Variants in WDHD1 observed in about 807,000 individuals in gnomAD.
The protein encoded by WDHD1 is WD repeat and HMG-box DNA-binding protein 1.
In WDHD1, 111 loss-of-function variants were observed where a neutral mutation model predicts 135.4. The ratio of observed to expected loss-of-function variants is 0.82; its 90% CI spans 0.70 to 0.96. The LOEUF (loss-of-function observed/expected upper bound fraction) is 0.96, where lower values mean the gene tolerates loss of function less well. WDHD1 is among the 40% of genes least tolerant of loss of function. The pLI is 0.00. For synonymous variants in WDHD1, 434 were observed against 439.0 expected (o/e 0.99, Z 0.14); for missense variants, 1,351 against 1,336.3 (o/e 1.01, Z -0.17).
chr14:54,943,047 T>C (rs900119898), intron 25 of WDHD1, among the ~76,000 whole-genome samples: 7 of 152,350 alleles, frequency 4.6e-5, no homozygotes, highest in African/African-American at 1.7e-4. Context: ...ACCTTTTTCA[T>C]AAAACCCAAT....
At chr14:54,986,453 CCACCA>C (rs369094073) in intron 14 of WDHD1, among the ~76,000 whole-genome samples, 4 of 152,088 alleles carry the variant, frequency 2.6e-5, no homozygotes, top group African/African-American at 7.2e-5. Flanking sequence ...CAGGTGTGAG[CCACCA>C]CACCACACCA....
intron 16 of WDHD1, among the ~76,000 whole-genome samples, chr14:54,980,802 TAA>T (rs375441329): frequency 2.9e-4 from 24 of 83,620 alleles, no homozygotes; most frequent in Non-Finnish European, 4.6e-4. Context: ...AGACTCCACA[TAA>T]AAAAAAAAAA....
chr14:54,999,164 G>C (rs2041939565), intron 10 of WDHD1, among the ~76,000 whole-genome samples: 1 of 152,176 alleles, frequency 6.6e-6, no homozygotes, highest in East Asian at 1.9e-4. Flanking sequence ...GAACCTACTA[G>C]AAGTGAGATG....
chr14:55,027,088 G>A lies in WDHD1; in HGVS notation c.-77C>T, dbSNP rs1289216359. 1 of 383,364 alleles carries A rather than the reference G, an allele frequency of 2.6e-6. No homozygotes were observed. Among genetic ancestry groups the A allele is most frequent in the Non-Finnish European group, 4.9e-6 (1 of 202,320 alleles). The allele number at this position is 383,364 out of a possible 1,614,324, so 23.7% of individuals were successfully genotyped here. A position where few individuals can be genotyped will look rare whatever the true frequency, so the allele number is the denominator to read the frequency against. ...AGAGCTGCTTCCCGCGCTTCGGCTC[G>A]CTCACCACACTGCGCCTGCGCCGAC... On this transcript the variant is annotated 5_prime_UTR_variant, in exon 1 of 26. Transcript: ENST00000360586.
At position 55,000,633 on chromosome 14, in the gene WDHD1, T is replaced by G; in HGVS notation, c.812A>C (p.Glu271Ala). 6.4e-7 allele frequency: 1 copy of G among 1,568,628 alleles called. No homozygotes were observed. Among genetic ancestry groups the G allele is most frequent in the Non-Finnish European group, 8.6e-7 (1 of 1,157,228 alleles). ...CAGACCACAAATTGCATAACCTTTC[T>G]CATGTTTCACCCTAAAAATTAAAAA... ...TKDCMERVKH[E>A]KGYAICGLAW... The change falls in exon 10 of 26, where the codon GAG becomes GCG. Residue 271 changes from glutamate to alanine, a missense_variant. Glu to Ala is a moderately radical substitution (Grantham distance 107, BLOSUM62 -1). This residue lies in a region of WDHD1 where 1,330 missense variants were observed against 1,296.1 expected (regional missense o/e 1.03). Transcript: ENST00000360586.
chr14:54,963,632 G>A (rs540651133), intron 18 of WDHD1, among the ~76,000 whole-genome samples: 4 of 152,074 alleles, frequency 2.6e-5, no homozygotes, highest in African/African-American at 7.2e-5. Context: ...GCAAAACCCC[G>A]TCTCTACTAA....
At chr14:54,953,850 T>C (rs527270106) in intron 24 of WDHD1, among the ~76,000 whole-genome samples, 312 of 152,226 alleles carry the variant, frequency 2.0e-3, no homozygotes, top group Non-Finnish European at 3.7e-3. Flanking sequence ...GGAACCATCA[T>C]TCTCAGCAAA....
At chr14:54,949,101 C>A (rs1235795065) in intron 24 of WDHD1, among the ~76,000 whole-genome samples, 1 of 152,128 alleles carries the variant, frequency 6.6e-6, no homozygotes, top group Admixed American at 6.5e-5. Flanking sequence ...GCACCTCTCC[C>A]CCCCCAAAGG....
intron 18 of WDHD1, 141 bp downstream of exon 18, chr14:54,966,334 C>T (rs1206054220): frequency 3.0e-6 from 3 of 1,012,886 alleles, no homozygotes; most frequent in African/African-American, 2.2e-5. Context: ...GACTCCGTCG[C>T]ACAAAAAACA....
Position 54,967,392 on chromosome 14 carries a change from C to T in WDHD1, c.2066G>A (p.Cys689Tyr). 6.3e-7 allele frequency: 1 copy of T among 1,595,556 alleles called. No individual in the cohort carries two copies. Among genetic ancestry groups the T allele is most frequent in the South Asian group, 1.1e-5 (1 of 87,554 alleles). The change falls in exon 17 of 26, where the codon TGC (cysteine) becomes TAC (tyrosine). Residue 689 changes from cysteine (C) to tyrosine (Y), a missense_variant and splice_region_variant. By Grantham distance (194) the Cys-to-Tyr change is radical. Coordinates refer to ENST00000360586, the MANE Select transcript of WDHD1 (RefSeq NM_007086.4). ...GIHENPQQLR[C>Y]IPCKGSRFPP... ...AAACCGAGAACCTTTACAAGGAATG[C>T]ACCTGTTAGTAAAGAAAAGTTCCAT... is the stretch of plus-strand genomic sequence containing the variant.
chr14:54,986,734 C>T (rs1443705832), intron 14 of WDHD1, among the ~76,000 whole-genome samples: 1 of 151,984 alleles, frequency 6.6e-6, no homozygotes, highest in Non-Finnish European at 1.5e-5. Flanking sequence ...TTGATAAGAC[C>T]AGTCTTAGCA....
At chr14:54,976,657 A>T (rs1365429779) in intron 16 of WDHD1, among the ~76,000 whole-genome samples, 1 of 152,166 alleles carries the variant, frequency 6.6e-6, no homozygotes, top group African/African-American at 2.4e-5. Context: ...GTTAAGCAAA[A>T]CTGGTGTGAA....
At chr14:54,946,501 T>C (rs1265504071) in intron 24 of WDHD1, among the ~76,000 whole-genome samples, 1 of 152,214 alleles carries the variant, frequency 6.6e-6, no homozygotes, top group Non-Finnish European at 1.5e-5. Flanking sequence ...GTTGTTGTTT[T>C]AAGAGAAAGG....
chr14:54,991,450 G>T, intron 11 of WDHD1, 50 bp from the exon 12 acceptor site: 2 of 1,531,544 alleles, frequency 1.3e-6, no homozygotes, highest in Non-Finnish European at 8.9e-7. Context: ...CCAATGATTT[G>T]GAAAAAGGAA....
chr14:55,008,360 C>T lies in WDHD1; in HGVS notation c.460G>A (p.Ala154Thr). 6.2e-7 allele frequency: 1 copy of T among 1,613,634 alleles called. No homozygotes were observed. The highest frequency in any genetic ancestry group is 1.3e-5 in the African/African-American group (1 of 75,058). Residue 154 changes from alanine (A) to threonine (T), a missense_variant, in exon 6 of 26, where the codon GCT (alanine) becomes ACT (threonine). Physicochemically the swap from Ala to Thr is moderately conservative, Grantham distance 58 (BLOSUM62 0). Around this residue, in one of 2 missense-constraint regions of WDHD1, gnomAD observed 1,330 missense variants for 1,296.1 expected, o/e 1.03. Transcript: ENST00000360586. ...ACTCTGACAGATCCATCACAACTAG[C>T]TGATGCCTGCAGGAATAAACAATAC... ...FDPKDIFLASASCDGSVRVWQ... is the reference protein window; with the variant it reads ...FDPKDIFLASTSCDGSVRVWQ...
intron 2 of WDHD1, among the ~76,000 whole-genome samples, chr14:55,019,505 T>C (rs1203897663): frequency 6.6e-6 from 1 of 152,214 alleles, no homozygotes; most frequent in East Asian, 1.9e-4. Context: ...TGCTAAAGCA[T>C]TGTTCTACTA....
Position 55,013,519 on chromosome 14 carries a change from T to C in WDHD1, c.155A>G (p.Asn52Ser), listed in dbSNP as rs749044207. Residue 52 changes from asparagine to serine, a missense_variant, in exon 3 of 26, where the codon AAT becomes AGT. By Grantham distance (46) the Asn-to-Ser change is conservative (BLOSUM62 1). Coordinates refer to ENST00000360586, the MANE Select transcript of WDHD1 (RefSeq NM_007086.4). Reference sequence around the variant, plus strand: ...ACATGAATATGCCTTTTCTCCAACATTAATGAACTTAGGATCATCATCATC... The same window carrying C: ...ACATGAATATGCCTTTTCTCCAACACTAATGAACTTAGGATCATCATCATC... Reference protein sequence around the residue: ...DLDDDDPKFINVGEKAYSCAL... With the variant: ...DLDDDDPKFISVGEKAYSCAL... 2 of 1,613,962 alleles carry C rather than the reference T, an allele frequency of 1.2e-6. No homozygotes were observed. Among genetic ancestry groups the C allele is most frequent in the Non-Finnish European group, 1.7e-6 (2 of 1,179,980 alleles).
rs1284792628 is a variant in WDHD1 at position 54,956,912 on chromosome 14, T to C, written c.2916+122A>G. 3.1e-6 allele frequency: 4 copies of C among 1,279,972 alleles called. No individual in the cohort carries two copies. The African/African-American group carries it at 6.0e-5, about 19-fold the overall frequency. 79.3% of individuals were successfully genotyped at this position (1,279,972 alleles called of 1,614,324 possible). A position where few individuals can be genotyped will look rare whatever the true frequency, so the allele number is the denominator to read the frequency against. ...GCTGCAAAAACAGAATTGAACCCAC[T>C]TCCCTAGCAAGACAATTGTAAACAA... is the stretch of plus-strand genomic sequence containing the variant. On this transcript the variant is annotated intron_variant, in intron 23 of 25. Coordinates refer to ENST00000360586, the MANE Select transcript of WDHD1 (RefSeq NM_007086.4).
chr14:54,958,157 G>A lies in WDHD1; in HGVS notation c.2702-522C>T, dbSNP rs545356300. On this transcript the variant is annotated intron_variant, in intron 21 of 25. Coordinates refer to ENST00000360586, the MANE Select transcript of WDHD1 (RefSeq NM_007086.4). ...TTTTTTTTTTTTGAGACAGAGTCTC[G>A]CTCTTGTTGCCCAAGCTGGAGGGCA... 5.5e-5 allele frequency among the ~76,000 whole-genome samples: 8 copies of A among 145,780 alleles called. No homozygotes were observed. The East Asian group carries it at 7.9e-4, about 14-fold the overall frequency.
Sources: gnomAD v4.1 joint callset for allele counts (sites outside exome capture counted in the v4.1 genomes callset) on GRCh38, gnomAD v4.1.1 for gene constraint, gnomAD v4.1.1 regional missense constraint, MANE v1.5 for transcripts, NCBI Gene and HGNC (gene_info 2026-07-23, HGNC 2026-07-21) for gene names.